KIZ: variants seen among roughly 807,000 people sequenced by gnomAD.
KIZ encodes the protein kizuna centrosomal protein.
KIZ carries 68 observed loss-of-function variants against 79.6 expected under a neutral mutation model. The observed-to-expected ratio is 0.85, with a 90% CI of 0.70 to 1.05. The LOEUF is 1.05. KIZ is among the 50% of genes least tolerant of loss of function. The pLI, the probability that KIZ is intolerant of heterozygous loss-of-function variation, is 0.00. For missense variants in KIZ, 797 were observed against 800.4 expected, an observed-to-expected ratio of 1.00 and a Z score of 0.05; for synonymous variants, 280 against 281.8, an observed-to-expected ratio of 0.99 and a Z score of 0.06.
At chr20:21,139,765 C>T (rs1046723834) in intron 3 of KIZ, among the ~76,000 whole-genome samples, 1 of 152,056 alleles carries the variant, frequency 6.6e-6, no homozygotes, top group Non-Finnish European at 1.5e-5. Context: ...AGACTATCAA[C>T]ATGGGGGACC....
intron 7 of KIZ, 95 bp from the exon 8 acceptor site, chr20:21,214,440 A>C (rs1256037575): frequency 7.3e-6 from 6 of 825,106 alleles, no homozygotes; most frequent in Non-Finnish European, 1.1e-5. Flanking sequence ...AGTAAAGCTT[A>C]ACTTAAAATT....
At chr20:21,188,276 A>G (rs913429779) in intron 6 of KIZ, among the ~76,000 whole-genome samples, 1 of 152,238 alleles carries the variant, frequency 6.6e-6, no homozygotes, top group African/African-American at 2.4e-5. Flanking sequence ...CACTGCACAG[A>G]GACGCCAAGA....
At chr20:21,163,255 C>A in intron 6 of KIZ, 96 bp downstream of exon 6, 1 of 816,366 alleles carries the variant, frequency 1.2e-6, no homozygotes, top group Non-Finnish European at 2.0e-6. Context: ...AGCACTCAGC[C>A]ATGAATGTGT....
chr20:21,203,525 G>A (rs977643731), intron 6 of KIZ, among the ~76,000 whole-genome samples: 1 of 152,102 alleles, frequency 6.6e-6, no homozygotes, highest in Non-Finnish European at 1.5e-5. Flanking sequence ...TTACTATTAT[G>A]TAATTTTCAC....
chr20:21,139,021 T>G (rs560053596), intron 3 of KIZ: 2 of 150,050 alleles, frequency 1.3e-5, no homozygotes, highest in African/African-American at 4.9e-5. Flanking sequence ...CAACCCTGCT[T>G]AGCCTTCAAG....
At position 21,162,367 on chromosome 20, in the gene KIZ, G is replaced by A. The variant is rs767747910; in HGVS notation, c.902G>A (p.Gly301Glu). ...TGTGACAGTTCCAGCGGATCAGAGG[G>A]AGAAATACTGACACGGGAACATATT... ...LKCDSSSGSEGEILTREHIEV... is the reference protein window; with the variant it reads ...LKCDSSSGSEEEILTREHIEV... The change falls in exon 5 of 13, where the codon GGA becomes GAA. Residue 301 changes from glycine (G) to glutamate (E), a missense_variant. Gly to Glu is a moderately conservative substitution (Grantham distance 98, BLOSUM62 -2). Coordinates refer to ENST00000619189, the MANE Select transcript of KIZ (RefSeq NM_018474.6). 1.9e-6 allele frequency: 3 copies of A among 1,613,942 alleles called. No individual in the cohort carries two copies. The East Asian group carries it at 6.7e-5, about 36-fold the overall frequency.
chr20:21,208,183 T>C (rs1449395786), intron 7 of KIZ, among the ~76,000 whole-genome samples: 1 of 152,106 alleles, frequency 6.6e-6, no homozygotes, highest in Non-Finnish European at 1.5e-5. Flanking sequence ...TATCTAATAT[T>C]TTTTTAAATG....
intron 6 of KIZ, among the ~76,000 whole-genome samples, chr20:21,172,498 G>A (rs2328608): frequency 0.57 from 86,129 of 151,812 alleles, 26,475 homozygotes; most frequent in South Asian, 0.78. Context: ...TTTGGGGAGG[G>A]TGAGGCAGGA....
chr20:21,246,327 G>A, intron 12 of KIZ, 152 bp from the exon 13 acceptor site: 1 of 636,958 alleles, frequency 1.6e-6, no homozygotes, highest in Non-Finnish European at 2.8e-6. Context: ...ACATGCATTT[G>A]GGTGTGTCTG....
intron 3 of KIZ, among the ~76,000 whole-genome samples, chr20:21,139,237 A>G (rs541747661): frequency 4.1e-4 from 63 of 152,104 alleles, no homozygotes; most frequent in African/African-American, 1.4e-3. Flanking sequence ...TAACCCCGTT[A>G]ATTCTGAGCC....
intron 6 of KIZ, among the ~76,000 whole-genome samples, chr20:21,201,574 G>T (rs992217143): frequency 6.6e-6 from 1 of 152,130 alleles, no homozygotes; most frequent in African/African-American, 2.4e-5. Flanking sequence ...TTATTACTCT[G>T]CATTTAAAGT....
intron 6 of KIZ, among the ~76,000 whole-genome samples, chr20:21,199,394 C>T (rs2035495806): frequency 6.6e-6 from 1 of 152,088 alleles, no homozygotes; most frequent in Non-Finnish European, 1.5e-5. Flanking sequence ...TTTTTAGAGC[C>T]AGATAAAGAA....
chr20:21,185,062 T>C (rs957943068), intron 6 of KIZ, among the ~76,000 whole-genome samples: 1 of 151,402 alleles, frequency 6.6e-6, no homozygotes, highest in Non-Finnish European at 1.5e-5. Flanking sequence ...AAAAAAATAA[T>C]TGTGTGTGTG....
chr20:21,244,172 T>C, intron 11 of KIZ, 73 bp from the exon 12 acceptor site: 2 of 1,041,278 alleles, frequency 1.9e-6, no homozygotes, highest in Non-Finnish European at 3.0e-6. Flanking sequence ...TCTTCTCTAA[T>C]GCGTTCATTA....
intron 6 of KIZ, chr20:21,166,328 C>T: frequency 6.2e-7 from 1 of 1,604,978 alleles, no homozygotes; most frequent in South Asian, 1.1e-5. Context: ...GCAGATTATT[C>T]TGCCATTTTT....
chr20:21,239,930 A>C (rs1426744251), intron 11 of KIZ, among the ~76,000 whole-genome samples: 3 of 152,168 alleles, frequency 2.0e-5, no homozygotes, highest in African/African-American at 7.2e-5. Context: ...AAATGCATCC[A>C]AAATAAGATG....
chr20:21,130,062 G>T (rs766149964), intron 1 of KIZ, among the ~76,000 whole-genome samples: 1 of 152,154 alleles, frequency 6.6e-6, no homozygotes, highest in Non-Finnish European at 1.5e-5. Flanking sequence ...AAACCAGTCC[G>T]CAGACTGCAT....
At chr20:21,232,568 G>C (rs546838809) in intron 10 of KIZ, among the ~76,000 whole-genome samples, 166 bp from the exon 11 acceptor site, 1 of 152,324 alleles carries the variant, frequency 6.6e-6, no homozygotes, top group African/African-American at 2.4e-5. Flanking sequence ...TATTCTACCA[G>C]CATTTCATTC....
In KIZ at chr20:21,186,550, C is replaced by G. The variant is rs182961634; in HGVS notation, c.1353-18941C>G. ...TTTCCATTATTTTTCATTCGGTACTCTCATTCATTTTATTATCTTCTAGTA... is the reference window on the plus strand; with the variant it reads ...TTTCCATTATTTTTCATTCGGTACTGTCATTCATTTTATTATCTTCTAGTA... On this transcript the variant is annotated intron_variant, in intron 6 of 12. Transcript: ENST00000619189. Among the ~76,000 whole-genome samples the G allele has an allele frequency of 3.9e-3, 588 of 149,730 alleles. 2 individuals carry two copies. Among genetic ancestry groups the G allele is most frequent in the African/African-American group, 9.8e-3 (395 of 40,324 alleles).
Sources: gnomAD v4.1 joint callset for allele counts (sites outside exome capture counted in the v4.1 genomes callset) on GRCh38, gnomAD v4.1.1 for gene constraint, MANE v1.5 for transcripts, NCBI Gene and HGNC (gene_info 2026-07-23, HGNC 2026-07-21) for gene names.